Variants in LEPR observed in about 807,000 individuals in gnomAD.
LEPR encodes leptin receptor, also known as OB receptor.
A neutral mutation model predicts 114.7 loss-of-function variants in LEPR; 56 were observed. The ratio of observed to expected loss-of-function variants is 0.49; its 90% confidence interval spans 0.39 to 0.61. The LOEUF (loss-of-function observed/expected upper bound fraction) is 0.61. LEPR is among the 20% of genes least tolerant of loss of function. The pLI is 0.00. For missense variants in LEPR, 1,202 were observed against 1,352.9 expected, an observed-to-expected ratio of 0.89 and a Z score of 1.75; for synonymous variants, 443 against 461.4, an observed-to-expected ratio of 0.96 and a Z score of 0.51.
In LEPR at chr1:65,639,597, AT is replaced by A. The variant is rs1286573568; in HGVS notation, c.*2585del. 1 of 152,230 alleles carries A rather than the reference AT, an allele frequency of 6.6e-6. No individual in the cohort carries two copies. The highest frequency in any genetic ancestry group is 2.4e-5 in the African/African-American group (1 of 41,454). 9.4% of individuals were successfully genotyped at this position (152,230 alleles called of 1,614,324 possible). On this transcript the variant is annotated 3_prime_UTR_variant, in exon 20 of 20. Coordinates refer to ENST00000349533, the MANE Select transcript of LEPR (RefSeq NM_002303.6). ...TCTTCCCACAGCTTCTATAAAAAAA[AT>A]TTAAAAGGAAGGAGGAGCTGAAATA...
rs762992633 is a variant in LEPR, at chr1:65,640,556, GA to G, written c.*3543del. The stretch of plus-strand genomic sequence containing the variant: ...AAATGTGAAGAAGTATTTATAAAAG[GA>G]AGCTACATAAGTAGGTAATTTTACT... On this transcript the variant is annotated 3_prime_UTR_variant, in exon 20 of 20. Coordinates refer to ENST00000349533, the MANE Select transcript of LEPR (RefSeq NM_002303.6). 6.6e-6 allele frequency: 1 copy of G among 152,130 alleles called. No homozygotes were observed. The highest frequency in any genetic ancestry group is 2.4e-5 in the African/African-American group (1 of 41,436). The allele number at this position is 152,130 out of a possible 1,614,324, so 9.4% of individuals were successfully genotyped here.
chr1:65,565,431 A>T (rs563524815), intron 2 of LEPR, 115 bp from the exon 3 acceptor site: 1 of 957,478 alleles, frequency 1.0e-6, no homozygotes, highest in African/African-American at 1.6e-5. Context: ...AGAGTATCAC[A>T]TGTAAATTTA....
chr1:65,459,541 T>G (rs1646918749), intron 2 of LEPR, among the ~76,000 whole-genome samples: 1 of 152,152 alleles, frequency 6.6e-6, no homozygotes, highest in South Asian at 2.1e-4. Flanking sequence ...GAAGTGGAGC[T>G]CCTTCTTCCC....
chr1:65,519,044 T>TTCTTTC (rs1281265484), intron 2 of LEPR, among the ~76,000 whole-genome samples: 6 of 150,566 alleles, frequency 4.0e-5, no homozygotes, highest in Admixed American at 2.6e-4. Flanking sequence ...TTTCTTTTCT[T>TTCTTTC]TCTTTCTCTC....
At chr1:65,470,496 T>C (rs1033266955) in intron 2 of LEPR, among the ~76,000 whole-genome samples, 1 of 152,220 alleles carries the variant, frequency 6.6e-6, no homozygotes, top group Non-Finnish European at 1.5e-5. Flanking sequence ...ACTTATTAAT[T>C]AGTAGAAACT....
intron 2 of LEPR, among the ~76,000 whole-genome samples, chr1:65,546,077 T>C (rs1651690564): frequency 6.6e-6 from 1 of 152,076 alleles, no homozygotes; most frequent in African/African-American, 2.4e-5. Context: ...CCTTTCCCCA[T>C]TGCTTGTTTT....
At position 65,421,486 on chromosome 1, in the gene LEPR, G is replaced by C. The variant is rs534138663; in HGVS notation, c.-97+746G>C. On this transcript the variant is annotated intron_variant, in intron 1 of 19. Coordinates refer to ENST00000349533, the MANE Select transcript of LEPR (RefSeq NM_002303.6). ...TAGGAAAACATTCCATTTCTAATCT[G>C]TCGAATAGAGTAGCATGACTTGTTT... The C allele has an allele frequency of 2.0e-5, 30 of 1,535,888 alleles. No homozygotes were observed. In the African/African-American group the frequency reaches 2.1e-4, roughly 10 times the overall value.
intron 2 of LEPR, among the ~76,000 whole-genome samples, chr1:65,500,417 G>A (rs919729326): frequency 6.6e-6 from 1 of 152,028 alleles, no homozygotes; most frequent in African/African-American, 2.4e-5. Context: ...TAAACAACAT[G>A]AGTTTGAACA....
intron 2 of LEPR, chr1:65,432,241 G>T (rs1646495755): frequency 2.0e-6 from 2 of 1,013,130 alleles, no homozygotes; most frequent in Non-Finnish European, 2.4e-6. Flanking sequence ...TTTGCTTGGG[G>T]ATGTGCTTGG....
intron 2 of LEPR, among the ~76,000 whole-genome samples, chr1:65,505,308 A>G (rs1473489424): frequency 6.6e-6 from 1 of 152,202 alleles, no homozygotes; most frequent in Non-Finnish European, 1.5e-5. Context: ...ACATCTTAAA[A>G]TGTCTCGTAA....
chr1:65,570,383 G>A, intron 3 of LEPR, 90 bp from the exon 4 acceptor site: 2 of 1,231,200 alleles, frequency 1.6e-6, no homozygotes, highest in African/African-American at 1.5e-5. Flanking sequence ...TAATTATTGA[G>A]CACTACATGG....
At chr1:65,502,349 A>G (rs1315323376) in intron 2 of LEPR, among the ~76,000 whole-genome samples, 2 of 152,150 alleles carry the variant, frequency 1.3e-5, no homozygotes, top group Non-Finnish European at 2.9e-5. Flanking sequence ...AGGAGAAACC[A>G]AGCCTGCTGG....
intron 2 of LEPR, among the ~76,000 whole-genome samples, chr1:65,472,489 A>G (rs540844509): frequency 1.7e-4 from 24 of 144,706 alleles, no homozygotes; most frequent in Non-Finnish European, 3.1e-4. Context: ...TTTTACTTAT[A>G]GCCATAGGTA....
At chr1:65,601,151 C>T (rs766587195) in intron 8 of LEPR, among the ~76,000 whole-genome samples, 12 of 151,964 alleles carry the variant, frequency 7.9e-5, no homozygotes, top group Non-Finnish European at 1.5e-4. Flanking sequence ...GAATAAGCCT[C>T]TGTGTTTAGA....
chr1:65,547,432 G>A (rs1219507923), intron 2 of LEPR, among the ~76,000 whole-genome samples: 2 of 151,502 alleles, frequency 1.3e-5, no homozygotes, highest in Admixed American at 6.6e-5. Context: ...GAATCCATCT[G>A]GTCCTGGACT....
Position 65,498,251 on chromosome 1 carries a change from A to C in LEPR, c.-20-67295A>C, listed in dbSNP as rs533691276. Reference sequence around the variant, plus strand: ...TATCAGTAAGGTAGAATTTGCTTTAAATGGCAATTTTGAGATTTTTCTTGA... The same window carrying C: ...TATCAGTAAGGTAGAATTTGCTTTACATGGCAATTTTGAGATTTTTCTTGA... On this transcript the variant is annotated intron_variant, in intron 2 of 19. Transcript: ENST00000349533. 3.9e-5 allele frequency among the ~76,000 whole-genome samples: 6 copies of C among 152,236 alleles called. No homozygotes were observed. In the East Asian group the frequency reaches 1.2e-3, roughly 29 times the overall value.
In LEPR at chr1:65,436,143, T is replaced by C. The variant is rs1570444896; in HGVS notation, c.-21+10765T>C. The C allele has an allele frequency of 3.5e-6, 3 of 860,232 alleles. No homozygotes were observed. The East Asian group carries it at 3.7e-4, about 105-fold the overall frequency. The allele number at this position is 860,232 out of a possible 1,614,324, so 53.3% of individuals were successfully genotyped here. ...TAATCTTAATGTGAATCTGACCAGT[T>C]TGAAGCCTGTACTTGCTGTAGTTGA... On this transcript the variant is annotated intron_variant, in intron 2 of 19. Transcript: ENST00000349533.
chr1:65,479,665 CAG>C (rs1647196632), intron 2 of LEPR, among the ~76,000 whole-genome samples: 1 of 152,152 alleles, frequency 6.6e-6, no homozygotes, highest in African/African-American at 2.4e-5. Flanking sequence ...CTTTCTAAGA[CAG>C]AGTACATATT....
At chr1:65,454,454 A>G (rs1394971537) in intron 2 of LEPR, among the ~76,000 whole-genome samples, 2 of 151,884 alleles carry the variant, frequency 1.3e-5, no homozygotes, top group African/African-American at 4.8e-5. Context: ...CGCTTTCTTC[A>G]GGAGCTCATT....
Sources: gnomAD v4.1 joint callset for allele counts (sites outside exome capture counted in the v4.1 genomes callset) on GRCh38, gnomAD v4.1.1 for gene constraint, MANE v1.5 for transcripts, NCBI Gene and HGNC (gene_info 2026-07-23, HGNC 2026-07-21) for gene names.